The following AK1 variants were observed in gnomAD, a reference collection of about 807,000 sequenced individuals.
The protein encoded by AK1 is adenylate kinase isoenzyme 1.
AK1 carries 13 observed loss-of-function variants against 23.9 expected under a neutral mutation model. The ratio of observed to expected loss-of-function variants is 0.54; its 90% CI spans 0.35 to 0.86. The LOEUF (loss-of-function observed/expected upper bound fraction) is 0.86, where lower values mean the gene tolerates loss of function less well. Ranked by LOEUF, AK1 falls within the 40% of genes least tolerant of loss-of-function variation. The pLI is 0.01. For missense variants in AK1, 214 were observed against 255.1 expected (o/e 0.84, Z 1.10); for synonymous variants, 97 against 102.8 (o/e 0.94, Z 0.34).
chr9:127,877,397 AACACACACGC>A lies in AK1; in HGVS notation c.-33+216_-33+225del, dbSNP rs1190699230. Among the ~76,000 whole-genome samples the A allele has an allele frequency of 2.7e-5, 4 of 150,106 alleles. No individual in the cohort carries two copies. Among genetic ancestry groups the A allele is most frequent in the East Asian group, 1.9e-4 (1 of 5,180 alleles). ...GCTGGAAGGGGCTGCAACACACACA[AACACACACGC>A]ACACACACGCACGGATCCACAAAGG... On this transcript the variant is annotated intron_variant, in intron 1 of 6. Transcript: ENST00000644144. The surrounding 1 kb of genome is among the most constrained non-coding windows in gnomAD (Gnocchi z 5.2).
chr9:127,874,714 G>A (rs1829497647), intron 1 of AK1, 65 bp from the exon 2 acceptor site: 3 of 1,517,086 alleles, frequency 2.0e-6, no homozygotes, highest in Non-Finnish European at 2.7e-6. Flanking sequence ...CTTCCACTAA[G>A]CCACACCCAA....
chr9:127,868,344 C>T lies in AK1; in HGVS notation c.493G>A (p.Glu165Lys). The change falls in exon 6 of 7, where the codon GAG (glutamate) becomes AAG (lysine). Residue 165 changes from glutamate to lysine, a missense_variant. By Grantham distance (56) the Glu-to-Lys change is moderately conservative. Transcript: ENST00000644144. This position sits in a 1 kb window ranked among gnomAD's most constrained non-coding sequence, Gnocchi z 4.1. Reference protein sequence around the residue: ...KATEPVIAFYEKRGIVRKVNA... With the variant: ...KATEPVIAFYKKRGIVRKVNA... ...ACCTTGCGCACAATGCCACGTTTCT[C>T]ATAGAAGGCGATGACAGGTTCTGTG... The T allele has an allele frequency of 1.2e-6, 2 of 1,603,130 alleles. No individual in the cohort carries two copies. Among genetic ancestry groups the T allele is most frequent in the Non-Finnish European group, 1.7e-6 (2 of 1,174,942 alleles).
chr9:127,868,569 T>G lies in AK1; in HGVS notation c.325-57A>C. On this transcript the variant is annotated intron_variant, in intron 5 of 6. Coordinates refer to ENST00000644144, the MANE Select transcript of AK1 (RefSeq NM_000476.3). The surrounding 1 kb of genome is among the most constrained non-coding windows in gnomAD (Gnocchi z 4.1). ...ATTCCTGCCCCCTAGGGCCATCTCCTCCCCATCTTCCCATCTATGAAGCCC... is the reference window on the plus strand; with the variant it reads ...ATTCCTGCCCCCTAGGGCCATCTCCGCCCCATCTTCCCATCTATGAAGCCC... The G allele has an allele frequency of 1.3e-6, 2 of 1,529,372 alleles. No individual in the cohort carries two copies. Among genetic ancestry groups the G allele is most frequent in the East Asian group, 2.4e-5 (1 of 40,912 alleles). The allele number at this position is 1,529,372 out of a possible 1,614,324, so 94.7% of individuals were successfully genotyped here. A position where few individuals can be genotyped will look rare whatever the true frequency, so the allele number is the denominator to read the frequency against.
In AK1 at chr9:127,868,522, G is replaced by A. The variant is rs1054595881; in HGVS notation, c.325-10C>T. The A allele has an allele frequency of 5.1e-6, 8 of 1,569,964 alleles. No individual in the cohort carries two copies. In the African/African-American group the frequency reaches 1.1e-4, roughly 21 times the overall value. On this transcript the variant is annotated splice_polypyrimidine_tract_variant and intron_variant, in intron 5 of 6. Transcript: ENST00000644144. The surrounding 1 kb of genome is among the most constrained non-coding windows in gnomAD (Gnocchi z 4.1). Reference sequence around the variant, plus strand: ...GTGTGGGCTGTCCAATCTGCAGGCGGGCACCATGTCACAGGGACCCCATTC... The same window carrying A: ...GTGTGGGCTGTCCAATCTGCAGGCGAGCACCATGTCACAGGGACCCCATTC...
At position 127,868,468 on chromosome 9, in the gene AK1, C is replaced by G. The variant is rs141248779; in HGVS notation, c.369G>C (p.Glu123Asp). ...GTTTCAAGAGCCGCTGGGTCATGGTCTCAGGGCCTGCGTCCACATACAGCA... is the reference window on the plus strand; with the variant it reads ...GTTTCAAGAGCCGCTGGGTCATGGTGTCAGGGCCTGCGTCCACATACAGCA... ...TLLLYVDAGP[E>D]TMTQRLLKRG... Residue 123 changes from glutamate (E) to aspartate (D), a missense_variant, in exon 6 of 7, where the codon GAG becomes GAC. Coordinates refer to ENST00000644144, the MANE Select transcript of AK1 (RefSeq NM_000476.3). This position sits in a 1 kb window ranked among gnomAD's most constrained non-coding sequence, Gnocchi z 4.1. 6.2e-7 allele frequency: 1 copy of G among 1,605,342 alleles called. No individual in the cohort carries two copies. Among genetic ancestry groups the G allele is most frequent in the Non-Finnish European group, 8.5e-7 (1 of 1,175,942 alleles).
intron 1 of AK1, 91 bp from the exon 2 acceptor site, chr9:127,874,740 C>T: frequency 7.8e-7 from 1 of 1,279,882 alleles, no homozygotes; most frequent in Non-Finnish European, 1.1e-6. Context: ...CTGGTGTGTG[C>T]CAGGCCCGAC....
At position 127,866,980 on chromosome 9, in the gene AK1, C is replaced by G. The variant is rs1038185807; in HGVS notation, c.*1028G>C. On this transcript the variant is annotated 3_prime_UTR_variant, in exon 7 of 7. Coordinates refer to ENST00000644144, the MANE Select transcript of AK1 (RefSeq NM_000476.3). The stretch of plus-strand genomic sequence containing the variant: ...GGGGGAGGTCCTTCAGGTCTCACCC[C>G]TGACCATGACTCCCCCAATTCAATT... The G allele has an allele frequency of 1.3e-5, 2 of 151,080 alleles. No individual in the cohort carries two copies. Among genetic ancestry groups the G allele is most frequent in the African/African-American group, 4.9e-5 (2 of 40,990 alleles). The allele number at this position is 151,080 out of a possible 1,614,324, so 9.4% of individuals were successfully genotyped here. A position where few individuals can be genotyped will look rare whatever the true frequency, so the allele number is the denominator to read the frequency against.
At chr9:127,873,259 A>C in intron 2 of AK1, 198 bp from the exon 3 acceptor site, 1 of 1,535,034 alleles carries the variant, frequency 6.5e-7, no homozygotes, top group South Asian at 1.2e-5. Flanking sequence ...AGGTCAGGGA[A>C]GAGAGGGTGC....
intron 5 of AK1, chr9:127,869,490 G>GCAGCCTGACCTCCGGCGT (rs1829334395): frequency 6.6e-6 from 1 of 152,284 alleles, no homozygotes; most frequent in African/African-American, 2.4e-5. Flanking sequence ...GAGGCGAGAA[G>GCAGCCTGACCTCCGGCGT]CAGCCTGACC....
At chr9:127,870,498 C>T (rs1281842339) in intron 5 of AK1, among the ~76,000 whole-genome samples, 6 of 151,962 alleles carry the variant, frequency 3.9e-5, no homozygotes, top group African/African-American at 7.3e-5. Flanking sequence ...TGCACCCGGC[C>T]GACTTTCATT....
chr9:127,867,874 T>G lies in AK1; in HGVS notation c.*134A>C. 1 of 846,066 alleles carries G rather than the reference T, an allele frequency of 1.2e-6. No individual in the cohort carries two copies. Among genetic ancestry groups the G allele is most frequent in the South Asian group, 1.4e-5 (1 of 69,198 alleles). 52.4% of individuals were successfully genotyped at this position (846,066 alleles called of 1,614,324 possible). ...AATTCCTTTAGTGCTCAGCTGTCCATGAAAACAGGATAAGCGGCTTCCTCC... is the reference window on the plus strand; with the variant it reads ...AATTCCTTTAGTGCTCAGCTGTCCAGGAAAACAGGATAAGCGGCTTCCTCC... On this transcript the variant is annotated 3_prime_UTR_variant, in exon 7 of 7. Coordinates refer to ENST00000644144, the MANE Select transcript of AK1 (RefSeq NM_000476.3).
chr9:127,873,471 T>C (rs773854670), intron 2 of AK1: 2 of 1,486,744 alleles, frequency 1.3e-6, no homozygotes, highest in South Asian at 2.8e-5. Context: ...CCGTGTCTCC[T>C]GTGCACCCTG....
chr9:127,874,654 A>T lies in AK1; in HGVS notation c.-32-5T>A. Reference sequence around the variant, plus strand: ...CCCGGGAGCCGTGTCAGTGCTCTGTAAGACAAGGGCACAGGTTGGGGAGGG... The same window carrying T: ...CCCGGGAGCCGTGTCAGTGCTCTGTTAGACAAGGGCACAGGTTGGGGAGGG... On this transcript the variant is annotated splice_polypyrimidine_tract_variant and splice_region_variant and intron_variant, in intron 1 of 6. Transcript: ENST00000644144. The T allele has an allele frequency of 6.2e-7, 1 of 1,613,518 alleles. No homozygotes were observed. Among genetic ancestry groups the T allele is most frequent in the South Asian group, 1.1e-5 (1 of 91,060 alleles).
Position 127,868,008 on chromosome 9 carries a change from C to T in AK1, c.585G>A (p.Ter195=), listed in dbSNP as rs1207124285. The change falls in exon 7 of 7, where the codon TAG becomes TAA. Residue 195 remains the stop codon, a stop_retained_variant. Transcript: ENST00000644144. This position sits in a 1 kb window ranked among gnomAD's most constrained non-coding sequence, Gnocchi z 4.1. ...QVCTHLDALK[*] is the part of the protein sequence containing the mutation. The stretch of plus-strand genomic sequence containing the variant: ...AGCTGGGGAAGCGGCTCCAGCGTTG[C>T]TACTTTAGGGCGTCCAGGTGGGTGC... 1.2e-6 allele frequency: 2 copies of T among 1,614,150 alleles called. No homozygotes were observed. The highest frequency in any genetic ancestry group is 4.5e-5 in the East Asian group (2 of 44,878).
At position 127,867,649 on chromosome 9, in the gene AK1, G is replaced by A. The variant is rs551745873; in HGVS notation, c.*359C>T. 1,026 of 303,918 alleles carry A rather than the reference G, an allele frequency of 3.4e-3. 6 individuals carry two copies. Among genetic ancestry groups the A allele is most frequent in the Admixed American group, 5.3e-3 (122 of 23,190 alleles). 18.8% of individuals were successfully genotyped at this position (303,918 alleles called of 1,614,324 possible). ...AGCAGGGGCCCCGCCACTCAGCGCC[G>A]GGTCCTCAGGCCAGGCATGCCCTGT... On this transcript the variant is annotated 3_prime_UTR_variant, in exon 7 of 7. Transcript: ENST00000644144.
Position 127,872,725 on chromosome 9 carries a change from A to G in AK1, c.172T>C (p.Ser58Pro). ...SSGSARGKKL[S>P]EIMEKGQLVP... ...AGCTGCCCCTTCTCCATGATTTCCG[A>G]CAGCTTCTTGCCCCTGGCCGAGCCT... The change falls in exon 4 of 7, where the codon TCG (serine) becomes CCG (proline). Residue 58 changes from serine to proline, a missense_variant. Coordinates refer to ENST00000644144, the MANE Select transcript of AK1 (RefSeq NM_000476.3). 6.2e-7 allele frequency: 1 copy of G among 1,614,068 alleles called. No homozygotes were observed. The highest frequency in any genetic ancestry group is 8.5e-7 in the Non-Finnish European group (1 of 1,180,004).
At chr9:127,873,106 C>T (rs369787823) in intron 2 of AK1, 45 bp from the exon 3 acceptor site, 1 of 1,601,006 alleles carries the variant, frequency 6.2e-7, no homozygotes, top group Non-Finnish European at 8.5e-7. Context: ...CTCGCTGGAC[C>T]CACAGCCAGA....
At position 127,873,017 on chromosome 9, in the gene AK1, G is replaced by A. The variant is rs773827161; in HGVS notation, c.43+9C>T. The A allele has an allele frequency of 6.5e-5, 105 of 1,613,960 alleles. No individual in the cohort carries two copies. The highest frequency in any genetic ancestry group is 1.1e-4 in the East Asian group (5 of 44,860). ...CCCTTGCTGCACCACCCGCCTGCCC[G>A]CAACTCACCCACCACAAAGATGATC... is the stretch of plus-strand genomic sequence containing the variant. On this transcript the variant is annotated intron_variant, in intron 3 of 6. Coordinates refer to ENST00000644144, the MANE Select transcript of AK1 (RefSeq NM_000476.3).
intron 5 of AK1, among the ~76,000 whole-genome samples, chr9:127,869,883 G>A (rs893655733): frequency 2.6e-5 from 4 of 152,342 alleles, no homozygotes; most frequent in African/African-American, 7.2e-5. Context: ...ACCCAGCAGA[G>A]GTGGTAAATC....
Sources: gnomAD v4.1 joint callset for allele counts (sites outside exome capture counted in the v4.1 genomes callset) on GRCh38, gnomAD v4.1.1 for gene constraint, Gnocchi (gnomAD v3.1) non-coding constraint, MANE v1.5 for transcripts, NCBI Gene and HGNC (gene_info 2026-07-23, HGNC 2026-07-21) for gene names.